Variants in DGKB observed in about 807,000 individuals in gnomAD.
DGKB encodes 90 kDa diacylglycerol kinase.
DGKB carries 67 observed loss-of-function variants against 114.3 expected under a neutral mutation model. The ratio of observed to expected loss-of-function variants is 0.59; its 90% CI spans 0.48 to 0.72. The LOEUF (loss-of-function observed/expected upper bound fraction) is 0.72. Among genes scored for constraint, DGKB ranks in the 30% least tolerant of loss-of-function variants. The pLI is 0.00. For missense variants in DGKB, 907 were observed against 975.2 expected (o/e 0.93, Z 0.93); for synonymous variants, 398 against 323.1 (o/e 1.23, Z -2.49).
chr7:14,446,507 A>T (rs1201622839), intron 21 of DGKB, among the ~76,000 whole-genome samples: 1 of 152,124 alleles, frequency 6.6e-6, no homozygotes, highest in Non-Finnish European at 1.5e-5. Flanking sequence ...ACAGACACTC[A>T]GTGGGATCAT....
At chr7:14,951,177 C>A (rs1200673128) in intron 1 of DGKB, among the ~76,000 whole-genome samples, 1 of 151,900 alleles carries the variant, frequency 6.6e-6, no homozygotes, top group East Asian at 1.9e-4. Flanking sequence ...TTTTTCCTTC[C>A]TGAGATGGGA....
chr7:14,518,080 G>A (rs2128557732), intron 20 of DGKB, among the ~76,000 whole-genome samples: 1 of 152,228 alleles, frequency 6.6e-6, no homozygotes, highest in South Asian at 2.1e-4. Flanking sequence ...ATCAGTGGTA[G>A]TCTGGGTAAA....
At chr7:14,848,390 G>A (rs1848921535) in intron 1 of DGKB, among the ~76,000 whole-genome samples, 1 of 152,158 alleles carries the variant, frequency 6.6e-6, no homozygotes, top group Non-Finnish European at 1.5e-5. Context: ...GATGAGAACA[G>A]AAAAATCACT....
At chr7:14,313,302 A>G (rs941256921) in intron 23 of DGKB, among the ~76,000 whole-genome samples, 2 of 152,134 alleles carry the variant, frequency 1.3e-5, no homozygotes, top group African/African-American at 4.8e-5. Flanking sequence ...GCTCCGGTCT[A>G]CAGCTCCCAG....
intron 13 of DGKB, among the ~76,000 whole-genome samples, chr7:14,631,893 C>A (rs545883764): frequency 6.6e-6 from 1 of 152,020 alleles, no homozygotes; most frequent in South Asian, 2.1e-4. Flanking sequence ...TCCTATGGAT[C>A]CTTATCCCAT....
At chr7:14,689,726 C>G (rs1822478844) in intron 9 of DGKB, among the ~76,000 whole-genome samples, 1 of 152,134 alleles carries the variant, frequency 6.6e-6, no homozygotes, top group African/African-American at 2.4e-5. Flanking sequence ...CTGCTTTCTA[C>G]ATTGAGCAAA....
intron 1 of DGKB, among the ~76,000 whole-genome samples, chr7:14,947,440 A>C (rs1046221277): frequency 1.3e-5 from 2 of 151,700 alleles, no homozygotes; most frequent in African/African-American, 4.8e-5. Context: ...TTCAATCCTT[A>C]ATTTTTTGAA....
chr7:14,318,937 C>T (rs372139540), intron 23 of DGKB, among the ~76,000 whole-genome samples: 163 of 152,236 alleles, frequency 1.1e-3, no homozygotes, highest in African/African-American at 3.7e-3. Context: ...CACATATACA[C>T]CATGGAATAC....
intron 25 of DGKB, among the ~76,000 whole-genome samples, chr7:14,162,056 A>T (rs1406943985): frequency 6.6e-6 from 1 of 152,186 alleles, no homozygotes; most frequent in East Asian, 1.9e-4. Context: ...TAAAATTTTC[A>T]ACAATACAGA....
intron 21 of DGKB, among the ~76,000 whole-genome samples, chr7:14,425,260 T>G (rs2128773123): frequency 6.6e-6 from 1 of 152,234 alleles, no homozygotes; most frequent in South Asian, 2.1e-4. Flanking sequence ...ATATCTCAAA[T>G]ATATGTATCC....
chr7:14,521,330 T>C (rs776025389), intron 20 of DGKB, among the ~76,000 whole-genome samples: 3 of 152,136 alleles, frequency 2.0e-5, no homozygotes, highest in Non-Finnish European at 2.9e-5. Flanking sequence ...ATTCAAAAAA[T>C]GGTGCTGGAA....
At chr7:14,802,764 C>T (rs1232482663) in intron 2 of DGKB, among the ~76,000 whole-genome samples, 1 of 152,122 alleles carries the variant, frequency 6.6e-6, no homozygotes, top group African/African-American at 2.4e-5. Context: ...CTAAAATCTG[C>T]ACCTACATTC....
At chr7:14,497,897 C>T (rs1785538009) in intron 20 of DGKB, among the ~76,000 whole-genome samples, 1 of 151,740 alleles carries the variant, frequency 6.6e-6, no homozygotes, top group African/African-American at 2.4e-5. Flanking sequence ...CTTTATATAA[C>T]CAAGTGACAC....
At chr7:14,693,166 CT>C (rs1008196122) in intron 9 of DGKB, among the ~76,000 whole-genome samples, 1 of 152,048 alleles carries the variant, frequency 6.6e-6, no homozygotes, top group Admixed American at 6.6e-5. Flanking sequence ...ATACTATGGT[CT>C]TACACCTTAA....
chr7:14,416,590 T>C (rs1825764761), intron 21 of DGKB, among the ~76,000 whole-genome samples: 1 of 152,034 alleles, frequency 6.6e-6, no homozygotes, highest in African/African-American at 2.4e-5. Flanking sequence ...GTTTCCCCCA[T>C]ACTGTTCTCA....
chr7:14,925,456 A>G (rs922655550), intron 1 of DGKB, among the ~76,000 whole-genome samples: 5 of 152,144 alleles, frequency 3.3e-5, no homozygotes, highest in Non-Finnish European at 7.3e-5. Context: ...TTGAATTTTT[A>G]TAGGAAAGGG....
At position 14,228,440 on chromosome 7, in the gene DGKB, T is replaced by G. The variant is rs927087066; in HGVS notation, c.2123-50289A>C. Among the ~76,000 whole-genome samples, 5 of 152,014 alleles carry G rather than the reference T, an allele frequency of 3.3e-5. No individual in the cohort carries two copies. The East Asian group carries it at 9.7e-4, about 30-fold the overall frequency. On this transcript the variant is annotated intron_variant, in intron 23 of 25. Transcript: ENST00000402815. The stretch of plus-strand genomic sequence containing the variant: ...GTGAATGGGAGTTTCAACTCATTAT[T>G]GTTTTGTAAAACCTAAGACTCTAAC...
chr7:14,554,274 G>C (rs1228540524), intron 20 of DGKB, among the ~76,000 whole-genome samples: 1 of 152,152 alleles, frequency 6.6e-6, no homozygotes, highest in African/African-American at 2.4e-5. Flanking sequence ...TGTTGTAAGA[G>C]CTTTAAAAGT....
intron 20 of DGKB, among the ~76,000 whole-genome samples, chr7:14,569,704 T>A (rs1798095499): frequency 6.6e-6 from 1 of 152,246 alleles, no homozygotes; most frequent in African/African-American, 2.4e-5. Flanking sequence ...TCCTTATTGT[T>A]AAAATTGACT....
Sources: gnomAD v4.1 joint callset for allele counts (sites outside exome capture counted in the v4.1 genomes callset) on GRCh38, gnomAD v4.1.1 for gene constraint, MANE v1.5 for transcripts, NCBI Gene and HGNC (gene_info 2026-07-23, HGNC 2026-07-21) for gene names.